Variants in GDA observed in about 807,000 individuals in gnomAD.
GDA encodes the protein guanine deaminase, also known as cytoplasmic PSD-95 interactor.
Under a neutral mutation model 59.6 loss-of-function variants are expected in GDA, and 18 were observed. That is an observed-to-expected ratio of 0.30 (90% CI 0.21 to 0.45). GDA has a LOEUF of 0.45. Among genes scored for constraint, GDA ranks in the 20% least tolerant of loss-of-function variants. The probability of loss-of-function intolerance (pLI) is 1.00; values close to 1 mark genes in which losing one functional copy is unlikely to be tolerated. For missense variants in GDA, 427 were observed against 552.3 expected (o/e 0.77, Z 2.27); for synonymous variants, 201 against 201.1 (o/e 1.00, Z 0.00).
At chr9:72,180,236 A>T (rs1234334297) in intron 1 of GDA, among the ~76,000 whole-genome samples, 1 of 152,116 alleles carries the variant, frequency 6.6e-6, no homozygotes, top group Non-Finnish European at 1.5e-5. Flanking sequence ...GGGTGCCTGT[A>T]ATCCCAGCCA....
At chr9:72,144,902 T>C (rs1826570173), upstream of GDA, among the ~76,000 whole-genome samples, 1 of 151,426 alleles carries the variant, frequency 6.6e-6, no homozygotes, top group Non-Finnish European at 1.5e-5. Context: ...TTTTTTTTTT[T>C]CTCTAAAGCA....
In GDA at chr9:72,210,777, G is replaced by A; in HGVS notation, c.472+3G>A. The A allele has an allele frequency of 1.3e-6, 2 of 1,587,848 alleles. No individual in the cohort carries two copies. Among genetic ancestry groups the A allele is most frequent in the Non-Finnish European group, 1.7e-6 (2 of 1,156,214 alleles). Reference sequence around the variant, plus strand: ...TCTGCTCCTTGCCGACATTACAGGTGAGCAAATGAAGCATGATTTATGGGC... The same window carrying A: ...TCTGCTCCTTGCCGACATTACAGGTAAGCAAATGAAGCATGATTTATGGGC... On this transcript the variant is annotated splice_donor_region_variant and intron_variant, in intron 4 of 13. Coordinates refer to ENST00000358399, the MANE Select transcript of GDA (RefSeq NM_004293.5).
At chr9:72,147,205 G>GTTTGT (rs572673987), upstream of GDA, among the ~76,000 whole-genome samples, 1 of 152,084 alleles carries the variant, frequency 6.6e-6, no homozygotes, top group South Asian at 2.1e-4. Context: ...TTTTTTGTTT[G>GTTTGT]TTTGTTTTGT....
At chr9:72,230,380 G>A (rs915096042) in intron 9 of GDA, among the ~76,000 whole-genome samples, 7 of 151,854 alleles carry the variant, frequency 4.6e-5, no homozygotes, top group Non-Finnish European at 5.9e-5. Flanking sequence ...CCAGCTACTC[G>A]GGAGGCTGAT....
chr9:72,221,525 C>G (rs1836870055), intron 6 of GDA, among the ~76,000 whole-genome samples: 1 of 152,172 alleles, frequency 6.6e-6, no homozygotes, highest in African/African-American at 2.4e-5. Flanking sequence ...TTTGGGGTAC[C>G]CTTCACATTC....
chr9:72,144,115 GGAAGGCTGAGGCAGAA>G (rs1159418857), intron 1 of GDA, among the ~76,000 whole-genome samples: 2 of 152,292 alleles, frequency 1.3e-5, no homozygotes, highest in East Asian at 3.9e-4. Context: ...TCAGCTACTG[GGAAGGCTGAGGCAGAA>G]GAATCCCTTG....
chr9:72,157,091 G>T (rs1827995249), intron 1 of GDA, among the ~76,000 whole-genome samples: 1 of 147,540 alleles, frequency 6.8e-6, no homozygotes, highest in Admixed American at 6.8e-5. Flanking sequence ...CTAGGCTGGG[G>T]TGCAGTGGCG....
Position 72,248,274 on chromosome 9 carries a change from G to A in GDA, c.1297G>A (p.Asp433Asn), listed in dbSNP as rs1384204247. Residue 433 changes from aspartate to asparagine, a missense_variant and splice_region_variant, in exon 14 of 14, where the codon GAT becomes AAT. Coordinates refer to ENST00000358399, the MANE Select transcript of GDA (RefSeq NM_004293.5). The part of the protein sequence containing the change: ...AVIQKFLYLG[D>N]DRNIEEVYVG... ...TGATTCCTTGATTTTTCTTTCAGGA[G>A]ATGATCGAAATATTGAAGAGGTTTA... is the stretch of plus-strand genomic sequence containing the variant. 6 of 1,605,122 alleles carry A rather than the reference G, an allele frequency of 3.7e-6. No individual in the cohort carries two copies. In the Admixed American group the frequency reaches 8.3e-5, roughly 22 times the overall value.
downstream of GDA, among the ~76,000 whole-genome samples, chr9:72,256,125 A>G (rs757939315): frequency 6.6e-6 from 1 of 152,238 alleles, no homozygotes; most frequent in Non-Finnish European, 1.5e-5. Flanking sequence ...TGTAAATTTC[A>G]TACTTAAAAA....
chr9:72,235,973 G>C (rs1838945160), intron 10 of GDA, among the ~76,000 whole-genome samples: 1 of 152,124 alleles, frequency 6.6e-6, no homozygotes, highest in Admixed American at 6.5e-5. Flanking sequence ...TCACTTTTCA[G>C]TGACAATTCC....
chr9:72,238,062 G>T (rs1839215960), intron 10 of GDA, among the ~76,000 whole-genome samples: 1 of 152,140 alleles, frequency 6.6e-6, no homozygotes, highest in Admixed American at 6.6e-5. Context: ...TTTTGAGTGT[G>T]TAAGGCTCAT....
At chr9:72,145,319 G>A (rs1342376002), upstream of GDA, among the ~76,000 whole-genome samples, 1 of 152,146 alleles carries the variant, frequency 6.6e-6, no homozygotes, top group African/African-American at 2.4e-5. Flanking sequence ...CAATTCCTGG[G>A]AGTTTACTGT....
chr9:72,182,439 C>T (rs1307602708), intron 1 of GDA, among the ~76,000 whole-genome samples: 1 of 152,146 alleles, frequency 6.6e-6, no homozygotes, highest in East Asian at 1.9e-4. Flanking sequence ...GATGTTTCCT[C>T]ATGATTAGAT....
chr9:72,139,589 G>A (rs1826369622), intron 1 of GDA, among the ~76,000 whole-genome samples: 1 of 152,096 alleles, frequency 6.6e-6, no homozygotes. Context: ...GGAAGTTGAG[G>A]CAGGAGGATC....
intron 1 of GDA, among the ~76,000 whole-genome samples, chr9:72,179,266 T>G (rs1043254410): frequency 6.6e-6 from 1 of 152,254 alleles, no homozygotes; most frequent in African/African-American, 2.4e-5. Context: ...AATGCCACTC[T>G]GGTTACCCTA....
intron 1 of GDA, among the ~76,000 whole-genome samples, chr9:72,137,245 T>TTC (rs1564153011): frequency 3.2e-5 from 4 of 125,626 alleles, no homozygotes; most frequent in Non-Finnish European, 5.2e-5. Context: ...TTTTTTTCTT[T>TTC]TTTTTTTTTT....
intron 1 of GDA, among the ~76,000 whole-genome samples, chr9:72,189,368 G>T (rs1215020543): frequency 6.6e-6 from 1 of 151,374 alleles, no homozygotes; most frequent in Admixed American, 6.6e-5. Context: ...TTTTTTAGTA[G>T]AGATGGGGTC....
At chr9:72,122,526 A>T (rs1825696771) in intron 1 of GDA, among the ~76,000 whole-genome samples, 1 of 152,182 alleles carries the variant, frequency 6.6e-6, no homozygotes, top group Admixed American at 6.6e-5. Context: ...TGGAACGGAG[A>T]GTTAACGTAT....
At chr9:72,175,267 A>G (rs553521741) in intron 1 of GDA, among the ~76,000 whole-genome samples, 1 of 152,262 alleles carries the variant, frequency 6.6e-6, no homozygotes, top group African/African-American at 2.4e-5. Flanking sequence ...CCTGAGCTCA[A>G]GCGATCTTCC....
Sources: allele counts gnomAD v4.1 joint callset (sites outside exome capture counted in the v4.1 genomes callset), GRCh38; gene constraint gnomAD v4.1.1; transcripts MANE v1.5; gene names NCBI Gene and HGNC (gene_info 2026-07-23, HGNC 2026-07-21).